CATSPER2: variants seen among roughly 807,000 people sequenced by gnomAD.
CATSPER2 encodes the protein cation channel sperm associated 2.
A neutral mutation model predicts 68.8 loss-of-function variants in CATSPER2; 56 were observed. The ratio of observed to expected loss-of-function variants is 0.81; its 90% CI spans 0.66 to 1.02. The LOEUF (loss-of-function observed/expected upper bound fraction) is 1.02, where lower values mean the gene tolerates loss of function less well. Among genes scored for constraint, CATSPER2 ranks in the 50% least tolerant of loss-of-function variants. CATSPER2 has a pLI of 0.00. For missense variants in CATSPER2, 582 were observed against 642.0 expected (o/e 0.91, Z 1.01); for synonymous variants, 198 against 229.9 (o/e 0.86, Z 1.26).
chr15:43,648,168 C>T, intron 1 of CATSPER2, 105 bp from the exon 2 acceptor site: 1 of 1,281,594 alleles, frequency 7.8e-7, no homozygotes. Context: ...CCTTAAGATT[C>T]CTTAATGTAC....
At position 43,640,101 on chromosome 15, in the gene CATSPER2, C is replaced by A; in HGVS notation, c.561+223G>T. 1.4e-6 allele frequency: 2 copies of A among 1,438,656 alleles called. 1 individual carries two copies. The highest frequency in any genetic ancestry group is 3.0e-5 in the South Asian group (2 of 67,238). The allele number at this position is 1,438,656 out of a possible 1,614,324, so 89.1% of individuals were successfully genotyped here. A position where few individuals can be genotyped will look rare whatever the true frequency, so the allele number is the denominator to read the frequency against. ...TTGGCACTTAGTAAGTGCTCAGTAA[C>A]CGGCAGATGCTCTTGTTGGCATTGA... On this transcript the variant is annotated intron_variant, in intron 5 of 12. Transcript: ENST00000396879.
At chr15:43,645,955 C>A (rs1348479243) in intron 4 of CATSPER2, among the ~76,000 whole-genome samples, 1 of 152,004 alleles carries the variant, frequency 6.6e-6, no homozygotes, top group African/African-American at 2.4e-5. Context: ...TTATTGGTTT[C>A]AGAATCATTT....
Position 43,647,920 on chromosome 15 carries a change from G to A in CATSPER2, c.142C>T (p.Leu48Phe), listed in dbSNP as rs1266206196. 1.9e-6 allele frequency: 3 copies of A among 1,613,566 alleles called. No individual in the cohort carries two copies. The highest frequency in any genetic ancestry group is 2.7e-5 in the African/African-American group (2 of 74,974). ...AVPRHTIREL[L>F]DPSRQKKLVL... ...AGTGAAGAAATAGGCTGCTGACCAA[G>A]TAACTCCCTGATAGTGTGCCGCGGC... The change falls in exon 2 of 13, where the codon CTT becomes TTT. Residue 48 changes from leucine (L) to phenylalanine (F), a missense_variant. By Grantham distance (22) the Leu-to-Phe change is conservative. Coordinates refer to ENST00000396879, the MANE Select transcript of CATSPER2 (RefSeq NM_172095.4).
chr15:43,641,180 G>A (rs1472514539), intron 4 of CATSPER2, among the ~76,000 whole-genome samples: 5 of 150,442 alleles, frequency 3.3e-5, no homozygotes, highest in South Asian at 2.1e-4. Flanking sequence ...GCAATGGTGC[G>A]ATCTTGTCTC....
Position 43,629,658 on chromosome 15 carries a change from T to A in CATSPER2, c.*1043A>T, listed in dbSNP as rs571925258. ...GAAACATTAAGCATTACCTGGATAA[T>A]CCTCCTTTCAGTGATGTTCTAAAAG... is the stretch of plus-strand genomic sequence containing the variant. On this transcript the variant is annotated 3_prime_UTR_variant, in exon 13 of 13. Transcript: ENST00000396879. 1.3e-5 allele frequency: 2 copies of A among 148,586 alleles called. No individual in the cohort carries two copies. The highest frequency in any genetic ancestry group is 4.3e-4 in the South Asian group (2 of 4,664). 9.2% of individuals were successfully genotyped at this position (148,586 alleles called of 1,614,324 possible).
chr15:43,635,380 G>A lies in CATSPER2; in HGVS notation c.1158C>T (p.Ser386=). 1.2e-6 allele frequency: 2 copies of A among 1,609,830 alleles called. No individual in the cohort carries two copies. Among genetic ancestry groups the A allele is most frequent in the Non-Finnish European group, 1.7e-6 (2 of 1,179,064 alleles). The stretch of plus-strand genomic sequence containing the variant: ...CTAACCTGTCCTCTATTTTGCTATG[G>A]CTTGACGTCAGTGCTTCATGTGACA... ...KNMSHEALTS[S]HSKIEDSSRG... is the part of the protein sequence containing the mutation. Residue 386 remains serine (S), a synonymous_variant, in exon 10 of 13, where the codon AGC becomes AGT. Transcript: ENST00000396879.
chr15:43,641,274 A>C (rs1437830728), intron 4 of CATSPER2, among the ~76,000 whole-genome samples: 1 of 150,448 alleles, frequency 6.6e-6, no homozygotes, highest in Non-Finnish European at 1.5e-5. Context: ...GCACCACCAC[A>C]CCCGGCTAAT....
intron 5 of CATSPER2, 165 bp from the exon 6 acceptor site, chr15:43,639,963 C>T (rs1410214709): frequency 2.0e-6 from 3 of 1,500,572 alleles, no homozygotes; most frequent in Non-Finnish European, 2.7e-6. Flanking sequence ...GTTGCTTAAA[C>T]ACTATACTTA....
rs777705688 is a variant in CATSPER2, at chr15:43,648,030, T to C, written c.32A>G (p.Gln11Arg). The change falls in exon 2 of 13, where the codon CAG (glutamine) becomes CGG (arginine). Residue 11 changes from glutamine (Q) to arginine (R), a missense_variant. This residue lies in a region of CATSPER2 where 197 missense variants were observed against 191.0 expected (regional missense o/e 1.03). Transcript: ENST00000396879. MAAYQQEEQM[Q>R]LPRADAIRSR... ...ACGAATGGCATCAGCTCGGGGAAGC[T>C]GCATCTGCTCTTCTTGTTGGTAAGC... 31 of 1,613,544 alleles carry C rather than the reference T, an allele frequency of 1.9e-5. No homozygotes were observed. Among genetic ancestry groups the C allele is most frequent in the Non-Finnish European group, 2.3e-5 (27 of 1,179,746 alleles).
chr15:43,648,815 T>C lies in CATSPER2; in HGVS notation c.-189A>G, dbSNP rs2086223974. On this transcript the variant is annotated 5_prime_UTR_variant, in exon 1 of 13. It removes the in-frame stop codon of an upstream open reading frame in the 5' UTR. Transcript: ENST00000396879. Reference sequence around the variant, plus strand: ...CACCCCGGGACCCGGCCCTAGCCCCTACCCACAGCCCAGGACCATGCGGAG... The same window carrying C: ...CACCCCGGGACCCGGCCCTAGCCCCCACCCACAGCCCAGGACCATGCGGAG... 2 of 1,528,334 alleles carry C rather than the reference T, an allele frequency of 1.3e-6. No individual in the cohort carries two copies. The highest frequency in any genetic ancestry group is 1.2e-5 in the South Asian group (1 of 83,290). 94.7% of individuals were successfully genotyped at this position (1,528,334 alleles called of 1,614,324 possible).
At chr15:43,641,698 G>A (rs1375758028) in intron 4 of CATSPER2, among the ~76,000 whole-genome samples, 4 of 151,818 alleles carry the variant, frequency 2.6e-5, no homozygotes, top group African/African-American at 9.7e-5. Flanking sequence ...ATGGAGTTAC[G>A]CTATACTTAT....
At position 43,635,776 on chromosome 15, in the gene CATSPER2, G is replaced by A. The variant is rs1005796640; in HGVS notation, c.1072C>T (p.Arg358Trp). 3.8e-5 allele frequency: 61 copies of A among 1,613,424 alleles called. No individual in the cohort carries two copies. The highest frequency in any genetic ancestry group is 5.3e-5 in the African/African-American group (4 of 74,794). Reference protein sequence around the residue: ...RKELNEEMARREVQLKADMFK... With the variant: ...RKELNEEMARWEVQLKADMFK... ...ATGTCAGCTTTGAGCTGAACCTCCC[G>A]ACGCGCCATCTCCTCATTCAGCTCT... The change falls in exon 9 of 13, where the codon CGG becomes TGG. Residue 358 changes from arginine to tryptophan, a missense_variant. This residue lies in a region of CATSPER2 where 235 missense variants were observed against 264.2 expected (regional missense o/e 0.89). Coordinates refer to ENST00000396879, the MANE Select transcript of CATSPER2 (RefSeq NM_172095.4).
chr15:43,636,851 A>G (rs1055059514), intron 7 of CATSPER2, among the ~76,000 whole-genome samples: 2 of 149,786 alleles, frequency 1.3e-5, no homozygotes, highest in African/African-American at 4.9e-5. Context: ...TTTTTGAGAC[A>G]GAGTCTCACT....
chr15:43,640,924 T>C (rs1270643686), intron 4 of CATSPER2, among the ~76,000 whole-genome samples: 2 of 151,296 alleles, frequency 1.3e-5, no homozygotes, highest in Admixed American at 1.3e-4. Flanking sequence ...TGAACTACTT[T>C]ATAACGAATG....
In CATSPER2 at chr15:43,636,857, T is replaced by A. The variant is rs755369188; in HGVS notation, c.843-638A>T. ...TTCTTTTTTTTTTTGAGACAGAGTC[T>A]CACTCTATCATCCACGCTGGAGTTG... On this transcript the variant is annotated intron_variant, in intron 7 of 12. Transcript: ENST00000396879. Among the ~76,000 whole-genome samples, 7 of 150,990 alleles carry A rather than the reference T, an allele frequency of 4.6e-5. 1 individual carries two copies. Among genetic ancestry groups the A allele is most frequent in the Non-Finnish European group, 7.4e-5 (5 of 67,804 alleles).
chr15:43,637,180 C>A (rs17795279), intron 7 of CATSPER2, among the ~76,000 whole-genome samples: 1 of 151,586 alleles, frequency 6.6e-6, no homozygotes, highest in Non-Finnish European at 1.5e-5. Context: ...GAAGATCACT[C>A]GCAAATTTAG....
intron 4 of CATSPER2, among the ~76,000 whole-genome samples, chr15:43,641,497 A>T (rs1431471313): frequency 6.8e-6 from 1 of 147,486 alleles, no homozygotes; most frequent in Non-Finnish European, 1.5e-5. Flanking sequence ...CAATGAATGG[A>T]TGTATGCCAT....
chr15:43,643,485 G>A (rs990460135), intron 4 of CATSPER2, among the ~76,000 whole-genome samples: 6 of 151,536 alleles, frequency 4.0e-5, no homozygotes, highest in African/African-American at 1.5e-4. Flanking sequence ...CCATAGATGC[G>A]CATCACCATA....
chr15:43,637,502 T>C (rs2141559310), intron 7 of CATSPER2: 1 of 152,032 alleles, frequency 6.6e-6, no homozygotes, highest in Non-Finnish European at 1.5e-5. Context: ...CTTACAAAAC[T>C]ATCTGTTAGA....
Sources: allele counts gnomAD v4.1 joint callset (sites outside exome capture counted in the v4.1 genomes callset), GRCh38; gene constraint gnomAD v4.1.1; regional missense constraint gnomAD v4.1.1; transcripts MANE v1.5; gene names NCBI Gene and HGNC (gene_info 2026-07-23, HGNC 2026-07-21).